Variants in NOX4 observed in about 807,000 individuals in gnomAD.
NOX4 encodes NADPH oxidase 4.
A neutral mutation model predicts 87.6 loss-of-function variants in NOX4; 69 were observed. The observed-to-expected ratio is 0.79, with a 90% CI of 0.65 to 0.96. The LOEUF is 0.96. Ranked by LOEUF, NOX4 falls within the 40% of genes least tolerant of loss-of-function variation. NOX4 has a pLI of 0.00. For missense variants in NOX4, 680 were observed against 681.5 expected, an observed-to-expected ratio of 1.00 and a Z score of 0.02; for synonymous variants, 275 against 238.2, an observed-to-expected ratio of 1.15 and a Z score of -1.42.
chr11:89,428,568 G>C (rs896748882), intron 7 of NOX4, among the ~76,000 whole-genome samples: 2 of 151,920 alleles, frequency 1.3e-5, no homozygotes, highest in Non-Finnish European at 2.9e-5. Context: ...TGCAATCCTA[G>C]TCTCTGATAA....
intron 8 of NOX4, among the ~76,000 whole-genome samples, chr11:89,412,504 G>A (rs1942531202): frequency 6.6e-6 from 1 of 151,866 alleles, no homozygotes; most frequent in Non-Finnish European, 1.5e-5. Context: ...ATCAATAAGA[G>A]GAATTTTGGA....
chr11:89,406,050 A>G (rs1017459117), intron 8 of NOX4, among the ~76,000 whole-genome samples: 2 of 152,096 alleles, frequency 1.3e-5, no homozygotes, highest in African/African-American at 4.8e-5. Context: ...CAATACTTTT[A>G]TGTGTTATTT....
the NOX4 span, among the ~76,000 whole-genome samples, chr11:89,589,220 C>T: frequency 6.6e-6 from 1 of 152,208 alleles, no homozygotes; most frequent in South Asian, 2.1e-4. Flanking sequence ...TTGATCTTTA[C>T]CTTCCCACTT....
chr11:89,427,677 TA>T (rs987709261), intron 7 of NOX4, among the ~76,000 whole-genome samples: 3 of 150,802 alleles, frequency 2.0e-5, no homozygotes, highest in South Asian at 2.1e-4. Flanking sequence ...GAGAAAAGAG[TA>T]AAAAGAAATG....
the NOX4 span, among the ~76,000 whole-genome samples, chr11:89,534,810 C>G: frequency 1.3e-5 from 2 of 152,176 alleles, no homozygotes; most frequent in Non-Finnish European, 2.9e-5. Flanking sequence ...GCTTGGCTGT[C>G]GTACTGGATT....
the NOX4 span, among the ~76,000 whole-genome samples, chr11:89,558,945 T>C: frequency 6.6e-6 from 1 of 152,082 alleles, no homozygotes; most frequent in South Asian, 2.1e-4. Flanking sequence ...ACACTCTCAA[T>C]TTTCACCTAA....
chr11:89,513,277 G>A, the NOX4 span, among the ~76,000 whole-genome samples: 1 of 151,600 alleles, frequency 6.6e-6, no homozygotes, highest in Non-Finnish European at 1.5e-5. Flanking sequence ...CCAAGATCCT[G>A]CCATTGTACT....
chr11:89,536,138 C>CTT, the NOX4 span, among the ~76,000 whole-genome samples: 682 of 88,978 alleles, frequency 7.7e-3, 72 homozygotes, highest in African/African-American at 0.029. Context: ...TGGTCCTTTT[C>CTT]TTTTTTTTTT....
intron 2 of NOX4, 97 bp from the exon 3 acceptor site, chr11:89,451,992 A>T (rs1274154838): frequency 1.3e-6 from 1 of 752,694 alleles, no homozygotes. Context: ...TGCTCTTTTA[A>T]GAATCATGCC....
At chr11:89,455,231 T>C (rs540752766) in intron 2 of NOX4, among the ~76,000 whole-genome samples, 114 of 150,928 alleles carry the variant, frequency 7.6e-4, no homozygotes, top group African/African-American at 2.7e-3. Flanking sequence ...AATTAATGTG[T>C]TTGTGTCATA....
At chr11:89,337,256 A>G (rs1433927747) in intron 16 of NOX4, among the ~76,000 whole-genome samples, 191 bp downstream of exon 16, 2 of 152,026 alleles carry the variant, frequency 1.3e-5, no homozygotes, top group African/African-American at 4.8e-5. Flanking sequence ...CCCTGTGAGA[A>G]GGACAAATGG....
intron 17 of NOX4, among the ~76,000 whole-genome samples, chr11:89,333,779 T>C (rs1172142260): frequency 1.3e-5 from 2 of 151,920 alleles, no homozygotes; most frequent in Admixed American, 6.6e-5. Flanking sequence ...AGAATGTTGA[T>C]CCATTCTTTT....
chr11:89,470,408 C>A (rs191971985), intron 2 of NOX4, among the ~76,000 whole-genome samples: 1 of 152,158 alleles, frequency 6.6e-6, no homozygotes, highest in African/African-American at 2.4e-5. Flanking sequence ...ACTATGTGTT[C>A]TATAAATATA....
chr11:89,520,308 C>A, the NOX4 span, among the ~76,000 whole-genome samples: 1 of 151,964 alleles, frequency 6.6e-6, no homozygotes, highest in African/African-American at 2.4e-5. Context: ...ACTAATGATT[C>A]CCACTAATTT....
rs759799426 is a variant in NOX4 at position 89,342,092 on chromosome 11, G to A, written c.1319C>T (p.Ser440Leu). Residue 440 changes from serine to leucine, a missense_variant, in exon 14 of 18, where the codon TCA becomes TTA. Physicochemically the swap from Ser to Leu is moderately radical, Grantham distance 145. Transcript: ENST00000263317. ...GACATACAACAGGGTGTTGAGTATTGATGCAAATGGAGTTACTCCAATGCC... is the reference window on the plus strand; with the variant it reads ...GACATACAACAGGGTGTTGAGTATTAATGCAAATGGAGTTACTCCAATGCC... ...AGGIGVTPFA[S>L]ILNTLLDDWK... 4 of 1,612,960 alleles carry A rather than the reference G, an allele frequency of 2.5e-6. No individual in the cohort carries two copies. The highest frequency in any genetic ancestry group is 3.4e-6 in the Non-Finnish European group (4 of 1,179,306).
At chr11:89,585,509 T>C in the NOX4 span, among the ~76,000 whole-genome samples, 54 of 152,294 alleles carry the variant, frequency 3.5e-4, no homozygotes, top group African/African-American at 1.3e-3. Flanking sequence ...TTAGGCTTCA[T>C]GGGCCATATG....
intron 6 of NOX4, among the ~76,000 whole-genome samples, chr11:89,440,032 T>G (rs1944389201): frequency 6.6e-6 from 1 of 152,200 alleles, no homozygotes; most frequent in Non-Finnish European, 1.5e-5. Context: ...CTGTTAAACA[T>G]GCATTATCTC....
intron 8 of NOX4, among the ~76,000 whole-genome samples, chr11:89,418,549 G>A (rs994265793): frequency 4.6e-5 from 7 of 151,442 alleles, no homozygotes; most frequent in South Asian, 2.1e-4. Context: ...TAATATATTC[G>A]AAGAGACAGT....
chr11:89,334,702 A>G (rs1168289918), intron 17 of NOX4, among the ~76,000 whole-genome samples: 3 of 151,862 alleles, frequency 2.0e-5, no homozygotes, highest in East Asian at 3.9e-4. Flanking sequence ...GTTCAACTAT[A>G]TAAAGTAATT....
Sources: gnomAD v4.1 joint callset for allele counts (sites outside exome capture counted in the v4.1 genomes callset) on GRCh38, gnomAD v4.1.1 for gene constraint, MANE v1.5 for transcripts, NCBI Gene and HGNC (gene_info 2026-07-23, HGNC 2026-07-21) for gene names.